The following SH3D19 variants were observed in gnomAD, a reference collection of about 807,000 sequenced individuals.
The protein encoded by SH3D19 is SH3 domain containing 19.
SH3D19 carries 58 observed loss-of-function variants against 112.1 expected under a neutral mutation model. That is an observed-to-expected ratio of 0.52 (90% confidence interval 0.42 to 0.64). The LOEUF (loss-of-function observed/expected upper bound fraction) is 0.64. Ranked by LOEUF, SH3D19 falls within the 30% of genes least tolerant of loss-of-function variation. The pLI is 0.00. For synonymous variants in SH3D19, 391 were observed against 448.5 expected (o/e 0.87, Z 1.62); for missense variants, 1,090 against 1,263.4 (o/e 0.86, Z 2.08).
chr4:151,144,341 A>G (rs1299494262), intron 11 of SH3D19: 3 of 1,525,216 alleles, frequency 2.0e-6, no homozygotes, highest in Non-Finnish European at 2.7e-6. Flanking sequence ...CCTCCTCTTA[A>G]GTTGCTGATC....
chr4:151,183,313 C>G (rs886187577), intron 3 of SH3D19, among the ~76,000 whole-genome samples: 5 of 152,042 alleles, frequency 3.3e-5, no homozygotes, highest in Admixed American at 3.3e-4. Context: ...TTTTCGAGTT[C>G]AAGTGGTTAA....
chr4:151,186,676 C>T (rs1481941476), intron 3 of SH3D19, among the ~76,000 whole-genome samples: 1 of 152,020 alleles, frequency 6.6e-6, no homozygotes, highest in African/African-American at 2.4e-5. Flanking sequence ...CTCAGGTGAT[C>T]CACCTGCCTC....
At chr4:151,218,739 AT>A (rs2149929291) in intron 2 of SH3D19, among the ~76,000 whole-genome samples, 1 of 152,288 alleles carries the variant, frequency 6.6e-6, no homozygotes, top group South Asian at 2.1e-4. Context: ...ACTTCCGCAC[AT>A]CTTTTTATAC....
At chr4:151,222,830 G>T (rs1768318600) in intron 2 of SH3D19, among the ~76,000 whole-genome samples, 1 of 151,680 alleles carries the variant, frequency 6.6e-6, no homozygotes, top group South Asian at 2.1e-4. Flanking sequence ...GCACCACCAT[G>T]CCCAGCTAAT....
intron 1 of SH3D19, among the ~76,000 whole-genome samples, chr4:151,233,781 T>C (rs1362060783): frequency 6.6e-6 from 1 of 152,228 alleles, no homozygotes; most frequent in Non-Finnish European, 1.5e-5. Context: ...TATCCGTCTA[T>C]AGCACTCACT....
intron 9 of SH3D19, among the ~76,000 whole-genome samples, chr4:151,150,302 TAC>T (rs1295799044): frequency 5.7e-5 from 8 of 139,660 alleles, no homozygotes; most frequent in African/African-American, 1.9e-4. Flanking sequence ...CATATATATA[TAC>T]ACACACATAT....
chr4:151,317,394 G>T (rs1474462951), intron 1 of SH3D19, among the ~76,000 whole-genome samples: 2 of 152,196 alleles, frequency 1.3e-5, no homozygotes, highest in East Asian at 3.8e-4. Flanking sequence ...TGACAGATGG[G>T]ATTAGAACCA....
rs568552205 is a variant in SH3D19 at position 151,179,453 on chromosome 4, T to C, written c.194-56A>G. ...CAAAATTAGTATGTTTGGTAAGGGT[T>C]TAAATTTTTACAAAGTACACAATTG... On this transcript the variant is annotated intron_variant, in intron 3 of 19. Coordinates refer to ENST00000604030, the MANE Select transcript of SH3D19 (RefSeq NM_001378122.1). The C allele has an allele frequency of 2.9e-6, 3 of 1,047,920 alleles. No homozygotes were observed. In the South Asian group the frequency reaches 1.5e-4, roughly 51 times the overall value. The allele number at this position is 1,047,920 out of a possible 1,614,324, so 64.9% of individuals were successfully genotyped here.
intron 11 of SH3D19, 198 bp from the exon 12 acceptor site, chr4:151,144,248 G>C (rs1561222963): frequency 6.2e-7 from 1 of 1,614,072 alleles, no homozygotes; most frequent in South Asian, 1.1e-5. Context: ...GGGGTTTTGA[G>C]AGACAATATC....
At chr4:151,272,248 C>G (rs1773280320) in intron 1 of SH3D19, among the ~76,000 whole-genome samples, 1 of 152,182 alleles carries the variant, frequency 6.6e-6, no homozygotes, top group Admixed American at 6.5e-5. Flanking sequence ...TTGAGATCAT[C>G]AACTGATTCC....
At chr4:151,233,863 C>G (rs993654766) in intron 1 of SH3D19, among the ~76,000 whole-genome samples, 1 of 152,190 alleles carries the variant, frequency 6.6e-6, no homozygotes, top group East Asian at 1.9e-4. Context: ...TTTATCTAAG[C>G]AGCGTCTGAT....
At chr4:151,139,243 T>C (rs1360805115) in intron 13 of SH3D19, among the ~76,000 whole-genome samples, 1 of 152,016 alleles carries the variant, frequency 6.6e-6, no homozygotes, top group Non-Finnish European at 1.5e-5. Flanking sequence ...AACCTCAGCC[T>C]CGCGGGTTCA....
At chr4:151,164,879 A>G (rs1052467045) in intron 8 of SH3D19, among the ~76,000 whole-genome samples, 2 of 152,188 alleles carry the variant, frequency 1.3e-5, no homozygotes, top group Non-Finnish European at 2.9e-5. Context: ...CACCTGGCCA[A>G]TTTAAGAAGT....
At chr4:151,213,770 C>T (rs890011256) in intron 2 of SH3D19, among the ~76,000 whole-genome samples, 7 of 151,712 alleles carry the variant, frequency 4.6e-5, no homozygotes, top group African/African-American at 1.2e-4. Context: ...GCCTCAAACT[C>T]CTAGGCTCAG....
chr4:151,295,827 G>T (rs1775668069), intron 1 of SH3D19, among the ~76,000 whole-genome samples: 1 of 152,104 alleles, frequency 6.6e-6, no homozygotes. Flanking sequence ...CACGAGGTCA[G>T]GAGATCAAGA....
chr4:151,176,555 T>G lies in SH3D19; in HGVS notation c.508A>C (p.Ile170Leu). 8.1e-7 allele frequency: 1 copy of G among 1,232,198 alleles called. No homozygotes were observed. Among genetic ancestry groups the G allele is most frequent in the Non-Finnish European group, 1.0e-6 (1 of 987,972 alleles). The allele number at this position is 1,232,198 out of a possible 1,614,324, so 76.3% of individuals were successfully genotyped here. A position where few individuals can be genotyped will look rare whatever the true frequency, so the allele number is the denominator to read the frequency against. The part of the protein sequence containing the change: ...SATQTDFSEE[I>L]DNDLPQTLQA... ...TTACTTTGAGGCAGATCGTTGTCTA[T>G]TTCTTCTGAAAAGTCAGTCTGAGTT... is the stretch of plus-strand genomic sequence containing the variant. The change falls in exon 6 of 20, where the codon ATA becomes CTA. Residue 170 changes from isoleucine to leucine, a missense_variant. Ile to Leu is a conservative substitution (Grantham distance 5, BLOSUM62 2). Coordinates refer to ENST00000604030, the MANE Select transcript of SH3D19 (RefSeq NM_001378122.1).
chr4:151,148,168 G>T lies in SH3D19; in HGVS notation c.1836C>A (p.Thr612=). The T allele has an allele frequency of 6.2e-7, 1 of 1,604,084 alleles. No individual in the cohort carries two copies. Among genetic ancestry groups the T allele is most frequent in the Non-Finnish European group, 8.5e-7 (1 of 1,177,058 alleles). ...TGGTTGGAGGCTGTTGAGTTGGAATGGTTTTTCCATTCACAGGTCTGAAAG... is the reference window on the plus strand; with the variant it reads ...TGGTTGGAGGCTGTTGAGTTGGAATTGTTTTTCCATTCACAGGTCTGAAAG... ...RLPPRPVNGK[T]IPTQQPPTKV... Residue 612 remains threonine (T), a synonymous_variant, in exon 11 of 20, where the codon ACC becomes ACA. Coordinates refer to ENST00000604030, the MANE Select transcript of SH3D19 (RefSeq NM_001378122.1).
Position 151,133,029 on chromosome 4 carries a change from C to T in SH3D19, c.2689+5G>A, listed in dbSNP as rs1204694106. 2 of 1,612,194 alleles carry T rather than the reference C, an allele frequency of 1.2e-6. No individual in the cohort carries two copies. Among genetic ancestry groups the T allele is most frequent in the South Asian group, 2.2e-5 (2 of 90,662 alleles). On this transcript the variant is annotated splice_donor_5th_base_variant and intron_variant, in intron 16 of 19. Transcript: ENST00000604030. ...AACATAATAAAAAAAATTCTCTATA[C>T]TCACTTAAAACATTTGCACCAGAGG...
At chr4:151,228,861 T>C (rs1769352749) in intron 1 of SH3D19, among the ~76,000 whole-genome samples, 1 of 151,196 alleles carries the variant, frequency 6.6e-6, no homozygotes, top group African/African-American at 2.4e-5. Context: ...CTTTTCTTTT[T>C]TTTTTTCTTT....
Sources: gnomAD v4.1 joint callset for allele counts (sites outside exome capture counted in the v4.1 genomes callset) on GRCh38, gnomAD v4.1.1 for gene constraint, MANE v1.5 for transcripts, NCBI Gene and HGNC (gene_info 2026-07-23, HGNC 2026-07-21) for gene names.